Variants in CFAP97D2 observed in about 807,000 individuals in gnomAD.
CFAP97D2 encodes the protein uncharacterized protein CFAP97D2.
rs1387942828 is a variant in CFAP97D2 at position 114,203,790 on chromosome 13, A to G, written c.290+3347A>G. ...GGCATGTGCAGACAAGGCCCTGGGC[A>G]GGTTCCCTCATCTGCACAAAAGCAT... On this transcript the variant is annotated intron_variant, in intron 3 of 4. Transcript: ENST00000646158. The surrounding 1 kb of genome is among the most constrained non-coding windows in gnomAD (Gnocchi z 4.3). 6.6e-6 allele frequency among the ~76,000 whole-genome samples: 1 copy of G among 152,214 alleles called. No homozygotes were observed. The highest frequency in any genetic ancestry group is 6.5e-5 in the Admixed American group (1 of 15,282).
upstream of CFAP97D2, chr13:114,179,261 C>T (rs780890072): frequency 2.0e-5 from 8 of 398,234 alleles, no homozygotes; most frequent in African/African-American, 4.1e-5. The surrounding 1 kb of genome is among the most constrained non-coding windows in gnomAD (Gnocchi z 4.8). Context: ...GCAAACACAG[C>T]GTCTCCAGGT....
intron 4 of CFAP97D2, among the ~76,000 whole-genome samples, chr13:114,220,406 C>T (rs1478305337): frequency 2.6e-5 from 4 of 152,210 alleles, no homozygotes; most frequent in Admixed American, 2.0e-4. Context: ...GGCTGTACTG[C>T]TAGTCTCCTG....
intron 2 of CFAP97D2, among the ~76,000 whole-genome samples, chr13:114,199,019 C>T (rs71217090): frequency 4.5e-3 from 69 of 15,328 alleles, no homozygotes; most frequent in Admixed American, 7.0e-3. Context: ...CGGTCCCCGC[C>T]GAGGGGTGAC....
At chr13:114,213,566 G>T (rs2080979089) in intron 4 of CFAP97D2, among the ~76,000 whole-genome samples, 1 of 130,388 alleles carries the variant, frequency 7.7e-6, no homozygotes, top group African/African-American at 2.9e-5. Flanking sequence ...CCACCCCTAT[G>T]GAAACTCCAG....
intron 2 of CFAP97D2, among the ~76,000 whole-genome samples, chr13:114,198,678 CAGTG>C (rs2080899551): frequency 1.7e-5 from 2 of 116,686 alleles, no homozygotes; most frequent in Non-Finnish European, 3.6e-5. Flanking sequence ...TGAGGCGTGA[CAGTG>C]GGTCCCCGTG....
chr13:114,202,212 T>C (rs1216794542), intron 3 of CFAP97D2, among the ~76,000 whole-genome samples: 1 of 152,248 alleles, frequency 6.6e-6, no homozygotes, highest in Non-Finnish European at 1.5e-5. Flanking sequence ...GATGAGCATT[T>C]GGGTGGTTTC....
chr13:114,196,424 C>G, exon 2 of CFAP97D2: 1 of 399,698 alleles, frequency 2.5e-6, no homozygotes. Flanking sequence ...CTGGTAGACA[C>G]CCGCGCCCCG....
rs542373695 is a variant in CFAP97D2 at position 114,206,250 on chromosome 13, G to A, written c.291-5662G>A. 2.4e-4 allele frequency among the ~76,000 whole-genome samples: 36 copies of A among 152,060 alleles called. No homozygotes were observed. The South Asian group carries it at 6.2e-3, about 26-fold the overall frequency. On this transcript the variant is annotated intron_variant, in intron 3 of 4. Transcript: ENST00000646158. ...CCCGAGTAGCTGGGATTACAGGCGCGTGCCACCACACCTGGCTAATTTTTG... is the reference window on the plus strand; with the variant it reads ...CCCGAGTAGCTGGGATTACAGGCGCATGCCACCACACCTGGCTAATTTTTG...
chr13:114,182,332 G>T (rs547196512), intron 1 of CFAP97D2, among the ~76,000 whole-genome samples: 5 of 152,232 alleles, frequency 3.3e-5, no homozygotes, highest in Non-Finnish European at 5.9e-5. Flanking sequence ...CCCGCCATAG[G>T]GCTGTTTTTC....
chr13:114,190,406 TAATC>T (rs139600078), intron 1 of CFAP97D2, among the ~76,000 whole-genome samples: 76,811 of 151,534 alleles, frequency 0.51, 19,638 homozygotes, highest in East Asian at 0.64. Context: ...AAATACCAAA[TAATC>T]AATAAAAAGA....
At chr13:114,220,239 C>T (rs60472736) in intron 4 of CFAP97D2, among the ~76,000 whole-genome samples, 3,459 of 152,042 alleles carry the variant, frequency 0.023, 130 homozygotes, top group African/African-American at 0.079. Context: ...CTTTGGGATC[C>T]GGGATCTTTG....
intron 2 of CFAP97D2, among the ~76,000 whole-genome samples, chr13:114,198,605 G>C (rs9562143): frequency 0.034 from 4,966 of 147,244 alleles, 262 homozygotes; most frequent in East Asian, 0.27. Flanking sequence ...CCAATCCATG[G>C]GCAAAGCAGC....
intron 1 of CFAP97D2, among the ~76,000 whole-genome samples, chr13:114,190,333 A>G (rs1355981817): frequency 6.6e-6 from 1 of 152,210 alleles, no homozygotes; most frequent in Non-Finnish European, 1.5e-5. Flanking sequence ...TAAAAGATAT[A>G]GTGATTAGGA....
At position 114,185,215 on chromosome 13, in the gene CFAP97D2, G is replaced by C. The variant is rs1256714006; in HGVS notation, c.90+5795G>C. Among the ~76,000 whole-genome samples, 1 of 152,230 alleles carries C rather than the reference G, an allele frequency of 6.6e-6. No homozygotes were observed. The highest frequency in any genetic ancestry group is 6.5e-5 in the Admixed American group (1 of 15,294). The stretch of plus-strand genomic sequence containing the variant: ...GTCACCGCTCTTGCCTGCTGATGCA[G>C]GGAGGGCACAGGAAAGAGGTGAACA... On this transcript the variant is annotated intron_variant, in intron 1 of 4. Coordinates refer to ENST00000646158, the Ensembl canonical transcript of CFAP97D2. The surrounding 1 kb of genome is among the most constrained non-coding windows in gnomAD (Gnocchi z 5.2).
At chr13:114,190,029 C>A (rs903663933) in intron 1 of CFAP97D2, among the ~76,000 whole-genome samples, 1 of 152,026 alleles carries the variant, frequency 6.6e-6, no homozygotes, top group African/African-American at 2.4e-5. Flanking sequence ...GCCATCCTAG[C>A]TACTTGGGAA....
intron 4 of CFAP97D2, among the ~76,000 whole-genome samples, chr13:114,220,559 T>G (rs1332922359): frequency 1.3e-5 from 2 of 152,220 alleles, no homozygotes; most frequent in African/African-American, 4.8e-5. Flanking sequence ...TGTACCTGTT[T>G]CTACTGAAGG....
At chr13:114,184,799 C>T (rs773958619) in intron 1 of CFAP97D2, among the ~76,000 whole-genome samples, 1 of 152,146 alleles carries the variant, frequency 6.6e-6, no homozygotes, top group Non-Finnish European at 1.5e-5. Flanking sequence ...ACCATCAGAG[C>T]AGGAATAAGC....
rs139057741 is a variant in CFAP97D2, at chr13:114,204,529, A to G, written c.290+4086A>G. On this transcript the variant is annotated intron_variant, in intron 3 of 4. Transcript: ENST00000646158. ...TAGACATATAAATCAATGGGAGTCC[A>G]TGTGTCTATAATCAATGTATTTTCA... is the stretch of plus-strand genomic sequence containing the variant. 2.6e-5 allele frequency among the ~76,000 whole-genome samples: 4 copies of G among 152,354 alleles called. No homozygotes were observed. The East Asian group carries it at 7.7e-4, about 29-fold the overall frequency.
At chr13:114,195,087 T>C (rs9525302) in intron 1 of CFAP97D2, among the ~76,000 whole-genome samples, 96,431 of 152,000 alleles carry the variant, frequency 0.63, 32,222 homozygotes, top group African/African-American at 0.86. Flanking sequence ...GGCCTGGATC[T>C]TGCCACCTCC....
Sources: gnomAD v4.1 joint callset for allele counts (sites outside exome capture counted in the v4.1 genomes callset) on GRCh38, gnomAD v4.1.1 for gene constraint, Gnocchi (gnomAD v3.1) non-coding constraint, MANE v1.5 for transcripts, NCBI Gene and HGNC (gene_info 2026-07-23, HGNC 2026-07-21) for gene names.